Variants in GEMIN6 observed in about 807,000 individuals in gnomAD.
GEMIN6 encodes gem-associated protein 6.
A neutral mutation model predicts 14.1 loss-of-function variants in GEMIN6; 13 were observed. That is an observed-to-expected ratio of 0.92 (90% CI 0.60 to 1.46). The LOEUF (loss-of-function observed/expected upper bound fraction) is 1.46. Ranked by LOEUF, GEMIN6 falls within the 40% of genes most tolerant of loss-of-function variation. GEMIN6 has a pLI of 0.00. For missense variants in GEMIN6, 271 were observed against 202.4 expected, an observed-to-expected ratio of 1.34 and a Z score of -2.06; for synonymous variants, 87 against 70.0, an observed-to-expected ratio of 1.24 and a Z score of -1.21.
At chr2:38,778,509 G>C (rs995495283) in intron 1 of GEMIN6, among the ~76,000 whole-genome samples, 3 of 152,140 alleles carry the variant, frequency 2.0e-5, no homozygotes, top group Admixed American at 1.3e-4. Flanking sequence ...GAGAGCGCGT[G>C]GGTGGATATC....
Position 38,779,002 on chromosome 2 carries a change from G to A in GEMIN6, c.12G>A (p.Trp4Ter), listed in dbSNP as rs376044156. 2.5e-5 allele frequency: 41 copies of A among 1,611,692 alleles called. No homozygotes were observed. Among genetic ancestry groups the A allele is most frequent in the Non-Finnish European group, 3.4e-5 (40 of 1,179,208 alleles). MSE[W>*]MKKGPLEWQD... Reference sequence around the variant, plus strand: ...GCCAGGTGGCAATCATGAGTGAATGGATGAAGAAAGGCCCCTTAGAATGGC... The same window carrying A: ...GCCAGGTGGCAATCATGAGTGAATGAATGAAGAAAGGCCCCTTAGAATGGC... Residue 4 changes from tryptophan (W) to a stop codon, truncating the protein, a stop_gained, in exon 2 of 3, where the codon TGG becomes TGA. Transcript: ENST00000281950. LOFTEE classifies it high-confidence loss of function.
Position 38,779,026 on chromosome 2 carries a change from G to C in GEMIN6, c.36G>C (p.Trp12Cys), listed in dbSNP as rs370876424. 2 of 1,613,604 alleles carry C rather than the reference G, an allele frequency of 1.2e-6. No homozygotes were observed. Among genetic ancestry groups the C allele is most frequent in the Non-Finnish European group, 1.7e-6 (2 of 1,179,782 alleles). The stretch of plus-strand genomic sequence containing the variant: ...GGATGAAGAAAGGCCCCTTAGAATG[G>C]CAAGATTACATTTACAAAGAGGTCC... ...SEWMKKGPLE[W>C]QDYIYKEVRV... The change falls in exon 2 of 3, where the codon TGG becomes TGC. Residue 12 changes from tryptophan to cysteine, a missense_variant. Coordinates refer to ENST00000281950, the MANE Select transcript of GEMIN6 (RefSeq NM_024775.10).
intron 2 of GEMIN6, 179 bp downstream of exon 2, chr2:38,779,297 C>G: frequency 1.6e-6 from 1 of 640,860 alleles, no homozygotes; most frequent in Non-Finnish European, 2.7e-6. Flanking sequence ...GTGGCGAGAT[C>G]TCGGCTCTTT....
At position 38,778,971 on chromosome 2, in the gene GEMIN6, G is replaced by C. The variant is rs921598759; in HGVS notation, c.-19-1G>C. 3.1e-6 allele frequency: 5 copies of C among 1,605,228 alleles called. No homozygotes were observed. Among genetic ancestry groups the C allele is most frequent in the South Asian group, 1.1e-5 (1 of 89,742 alleles). On this transcript the variant is annotated splice_acceptor_variant, in intron 1 of 2. Transcript: ENST00000281950. LOFTEE classifies it low-confidence loss of function (5UTR_SPLICE). ...TTAACCAGCACTGGTGGTTGTTTCA[G>C]ATTTAGCCAGGTGGCAATCATGAGT...
chr2:38,781,666 C>G lies in GEMIN6; in HGVS notation c.278C>G (p.Ala93Gly). Residue 93 changes from alanine (A) to glycine (G), a missense_variant, in exon 3 of 3, where the codon GCA becomes GGA. Coordinates refer to ENST00000281950, the MANE Select transcript of GEMIN6 (RefSeq NM_024775.10). ...MHLFTSGDCK[A>G]YSPEDLEERK... ...TTGTTCACGTCTGGAGACTGCAAAG[C>G]ATACAGCCCAGAGGATCTGGAAGAG... 6.2e-7 allele frequency: 1 copy of G among 1,614,160 alleles called. No homozygotes were observed. Among genetic ancestry groups the G allele is most frequent in the Non-Finnish European group, 8.5e-7 (1 of 1,180,024 alleles).
chr2:38,780,319 CA>C (rs1247327380), intron 2 of GEMIN6, among the ~76,000 whole-genome samples: 294 of 115,058 alleles, frequency 2.6e-3, no homozygotes, highest in Middle Eastern at 4.2e-3. Flanking sequence ...GACTCCGTCT[CA>C]AAAAAAAAAA....
At chr2:38,780,162 C>CA (rs1027584369) in intron 2 of GEMIN6, among the ~76,000 whole-genome samples, 53 of 150,180 alleles carry the variant, frequency 3.5e-4, no homozygotes, top group East Asian at 2.1e-3. Flanking sequence ...ACTGAAAATA[C>CA]AAAAAAAATT....
chr2:38,779,290 G>T (rs570167880), intron 2 of GEMIN6, 172 bp downstream of exon 2: 42 of 660,024 alleles, frequency 6.4e-5, no homozygotes, highest in Admixed American at 2.0e-4. Flanking sequence ...GAATGCAGTG[G>T]CGAGATCTCG....
In GEMIN6 at chr2:38,782,154, T is replaced by G. The variant is rs1669106699; in HGVS notation, c.*262T>G. On this transcript the variant is annotated 3_prime_UTR_variant, in exon 3 of 3. Coordinates refer to ENST00000281950, the MANE Select transcript of GEMIN6 (RefSeq NM_024775.10). Reference sequence around the variant, plus strand: ...TGGGTCTTCTTTTTTCTTTTTTTCTTTTTTTTTTGAGATGGAGTCTCGCTC... The same window carrying G: ...TGGGTCTTCTTTTTTCTTTTTTTCTGTTTTTTTTGAGATGGAGTCTCGCTC... The G allele has an allele frequency of 1.5e-5, 5 of 332,536 alleles. No individual in the cohort carries two copies. The South Asian group carries it at 3.2e-4, about 22-fold the overall frequency. The allele number at this position is 332,536 out of a possible 1,614,324, so 20.6% of individuals were successfully genotyped here.
chr2:38,780,126 G>T (rs1440439189), intron 2 of GEMIN6, among the ~76,000 whole-genome samples: 1 of 151,184 alleles, frequency 6.6e-6, no homozygotes, highest in East Asian at 2.1e-4. Flanking sequence ...AGACCATCCT[G>T]GCTAACATGG....
At chr2:38,780,076 T>G (rs1669045145) in intron 2 of GEMIN6, among the ~76,000 whole-genome samples, 1 of 149,136 alleles carries the variant, frequency 6.7e-6, no homozygotes, top group Non-Finnish European at 1.5e-5. Flanking sequence ...CCCAGCACTT[T>G]GGGAGGCCGA....
chr2:38,784,797 C>G lies in GEMIN6; in HGVS notation c.*2905C>G, dbSNP rs1669167117. On this transcript the variant is annotated 3_prime_UTR_variant, in exon 3 of 3. Coordinates refer to ENST00000281950, the MANE Select transcript of GEMIN6 (RefSeq NM_024775.10). ...CTTAGGGAGTTTCCCTAGCTAATTC[C>G]TCAGCTAAGATTCTCCCCAGGAGTT... 6.6e-6 allele frequency: 1 copy of G among 152,148 alleles called. No homozygotes were observed. The highest frequency in any genetic ancestry group is 1.5e-5 in the Non-Finnish European group (1 of 68,048). The allele number at this position is 152,148 out of a possible 1,614,324, so 9.4% of individuals were successfully genotyped here.
intron 1 of GEMIN6, 116 bp from the exon 2 acceptor site, chr2:38,778,856 A>T (rs1669010200): frequency 1.3e-6 from 1 of 785,918 alleles, no homozygotes; most frequent in Non-Finnish European, 2.0e-6. Context: ...TAAGTTACTT[A>T]TTACGAACTT....
rs865988720 is a variant in GEMIN6 at position 38,783,835 on chromosome 2, A to G, written c.*1943A>G. The G allele has an allele frequency of 1.3e-5, 2 of 152,164 alleles. No homozygotes were observed. Among genetic ancestry groups the G allele is most frequent in the South Asian group, 2.1e-4 (1 of 4,832 alleles). 9.4% of individuals were successfully genotyped at this position (152,164 alleles called of 1,614,324 possible). A position where few individuals can be genotyped will look rare whatever the true frequency, so the allele number is the denominator to read the frequency against. ...CAGCTATTTTCCTGCATAGTTGTCT[A>G]ATAACAAGATGGTATAGTCCAGTGC... On this transcript the variant is annotated 3_prime_UTR_variant, in exon 3 of 3. Coordinates refer to ENST00000281950, the MANE Select transcript of GEMIN6 (RefSeq NM_024775.10).
At position 38,781,538 on chromosome 2, in the gene GEMIN6, T is replaced by G. The variant is rs1262040219; in HGVS notation, c.150T>G (p.Leu50=). The stretch of plus-strand genomic sequence containing the variant: ...AAAGTATTGTCCTTGTGAACTTCCT[T>G]GAAGATGGCAGCATGTCTGTGACCG... The part of the protein sequence containing the change: ...VSANIVLVNF[L]EDGSMSVTGI... The change falls in exon 3 of 3, where the codon CTT becomes CTG. Residue 50 remains leucine (L), a synonymous_variant. Coordinates refer to ENST00000281950, the MANE Select transcript of GEMIN6 (RefSeq NM_024775.10). The G allele has an allele frequency of 2.5e-6, 4 of 1,612,832 alleles. No individual in the cohort carries two copies. Among genetic ancestry groups the G allele is most frequent in the Non-Finnish European group, 3.4e-6 (4 of 1,179,386 alleles).
chr2:38,780,186 A>G (rs1669048227), intron 2 of GEMIN6, among the ~76,000 whole-genome samples: 1 of 151,122 alleles, frequency 6.6e-6, no homozygotes, highest in Non-Finnish European at 1.5e-5. Flanking sequence ...CGGGCGTGGT[A>G]GCAGGCACCT....
chr2:38,781,950 A>T lies in GEMIN6; in HGVS notation c.*58A>T. ...AAGACTATATTTTATCCCTCATAAA[A>T]TGTTTTAAATGTAAATGTACATGAC... On this transcript the variant is annotated 3_prime_UTR_variant, in exon 3 of 3. Coordinates refer to ENST00000281950, the MANE Select transcript of GEMIN6 (RefSeq NM_024775.10). The T allele has an allele frequency of 6.8e-7, 1 of 1,460,454 alleles. No homozygotes were observed. The highest frequency in any genetic ancestry group is 9.3e-7 in the Non-Finnish European group (1 of 1,079,398). The allele number at this position is 1,460,454 out of a possible 1,614,324, so 90.5% of individuals were successfully genotyped here.
rs1274604000 is a variant in GEMIN6, at chr2:38,784,595, G to C, written c.*2703G>C. On this transcript the variant is annotated 3_prime_UTR_variant, in exon 3 of 3. Transcript: ENST00000281950. The stretch of plus-strand genomic sequence containing the variant: ...ATCAATTGGACTTGATCTTGGCTCA[G>C]GGACCAGGCCCGGTGCCTTGATATT... 6.6e-6 allele frequency: 1 copy of C among 152,008 alleles called. No homozygotes were observed. Among genetic ancestry groups the C allele is most frequent in the African/African-American group, 2.4e-5 (1 of 41,386 alleles). The allele number at this position is 152,008 out of a possible 1,614,324, so 9.4% of individuals were successfully genotyped here.
intron 2 of GEMIN6, among the ~76,000 whole-genome samples, chr2:38,780,876 G>A (rs906913638): frequency 2.6e-5 from 4 of 151,380 alleles, no homozygotes; most frequent in African/African-American, 4.9e-5. Flanking sequence ...TGATTTGCCC[G>A]CCTTGTCCTC....
Sources: gnomAD v4.1 joint callset for allele counts (sites outside exome capture counted in the v4.1 genomes callset) on GRCh38, gnomAD v4.1.1 for gene constraint, MANE v1.5 for transcripts, NCBI Gene and HGNC (gene_info 2026-07-23, HGNC 2026-07-21) for gene names.